SFSWAP: variants seen among roughly 807,000 people sequenced by gnomAD.
SFSWAP encodes splicing factor SWAP, also known as splicing factor, suppressor of white-apricot homolog.
In SFSWAP, 17 loss-of-function variants were observed where a neutral mutation model predicts 100.7. The observed-to-expected ratio is 0.17, with a 90% CI of 0.12 to 0.25. The LOEUF (loss-of-function observed/expected upper bound fraction) is 0.25, where lower values mean the gene tolerates loss of function less well. Ranked by LOEUF, SFSWAP falls within the 10% of genes least tolerant of loss-of-function variation. The pLI is 1.00. For synonymous variants in SFSWAP, 504 were observed against 510.1 expected (o/e 0.99, Z 0.16); for missense variants, 1,005 against 1,262.6 (o/e 0.80, Z 3.09).
At chr12:131,786,331 A>T in intron 14 of SFSWAP, 132 bp from the exon 15 acceptor site, 1 of 1,089,722 alleles carries the variant, frequency 9.2e-7, no homozygotes, top group Admixed American at 2.9e-5. Context: ...CTGAAGCCTC[A>T]GGGTCTACAC....
At position 131,714,307 on chromosome 12, in the gene SFSWAP, C is replaced by A; in HGVS notation, c.388+67C>A. ...AAATTTTTAAGTATTTAAAAATTTA[C>A]TCCCATTCATTTTTTTATACTCACT... On this transcript the variant is annotated intron_variant, in intron 2 of 17. Coordinates refer to ENST00000261674, the MANE Select transcript of SFSWAP (RefSeq NM_004592.4). This position sits in a 1 kb window ranked among gnomAD's most constrained non-coding sequence, Gnocchi z 6.0. 1.5e-6 allele frequency: 2 copies of A among 1,352,570 alleles called. No homozygotes were observed. Among genetic ancestry groups the A allele is most frequent in the South Asian group, 1.4e-5 (1 of 74,040 alleles). 83.8% of individuals were successfully genotyped at this position (1,352,570 alleles called of 1,614,324 possible).
chr12:131,735,018 C>G (rs1260947386), intron 7 of SFSWAP, among the ~76,000 whole-genome samples: 1 of 152,170 alleles, frequency 6.6e-6, no homozygotes, highest in African/African-American at 2.4e-5. Context: ...AGGCTGTTGC[C>G]ACACAGTCAC....
chr12:131,765,332 C>G (rs946179767), intron 12 of SFSWAP, among the ~76,000 whole-genome samples: 1 of 152,210 alleles, frequency 6.6e-6, no homozygotes, highest in African/African-American at 2.4e-5. Flanking sequence ...TACACACATT[C>G]AGATCAAGCA....
At chr12:131,713,650 A>C (rs1413850884) in intron 1 of SFSWAP, 1 of 152,500 alleles carries the variant, frequency 6.6e-6, no homozygotes, top group Non-Finnish European at 1.5e-5. Flanking sequence ...GTTCTTACGG[A>C]TAGGTATTTA....
At position 131,778,198 on chromosome 12, in the gene SFSWAP, A is replaced by AAAAGAG; in HGVS notation, c.2280_2281insAGAAAG (p.Lys760_His761insArgLys). On this transcript the variant is annotated inframe_insertion, in exon 14 of 18. Transcript: ENST00000261674. The surrounding 1 kb of genome is among the most constrained non-coding windows in gnomAD (Gnocchi z 4.2). ...GAAGAAGAGAAAGAAAAGAAAAAGA[A>AAAAGAG]AAAGCACAAAAAAAGATCTCGAACA... is the stretch of plus-strand genomic sequence containing the variant. 2 of 1,614,132 alleles carry AAAAGAG rather than the reference A, an allele frequency of 1.2e-6. No homozygotes were observed. Among genetic ancestry groups the AAAAGAG allele is most frequent in the Non-Finnish European group, 1.7e-6 (2 of 1,180,002 alleles).
chr12:131,790,991 G>A (rs757181772), intron 15 of SFSWAP, among the ~76,000 whole-genome samples: 3 of 151,962 alleles, frequency 2.0e-5, no homozygotes, highest in Middle Eastern at 3.2e-3. Flanking sequence ...AGAACAAATG[G>A]GACAAATAAA....
At chr12:131,712,309 A>G (rs1232968713) in intron 1 of SFSWAP, 17 of 152,228 alleles carry the variant, frequency 1.1e-4, no homozygotes, top group Admixed American at 1.0e-3. Flanking sequence ...TTTGAAAAGG[A>G]TAACATTACA....
intron 8 of SFSWAP, 45 bp downstream of exon 8, chr12:131,753,408 A>G: frequency 2.5e-6 from 4 of 1,571,442 alleles, no homozygotes; most frequent in Non-Finnish European, 2.6e-6. Flanking sequence ...GTCACTCAGC[A>G]CTGCAGTCAC....
At chr12:131,738,371 G>A (rs1323320884) in intron 7 of SFSWAP, among the ~76,000 whole-genome samples, 2 of 152,140 alleles carry the variant, frequency 1.3e-5, no homozygotes, top group East Asian at 3.8e-4. Context: ...AAAACACTGA[G>A]GTCATCGTGC....
intron 8 of SFSWAP, 95 bp from the exon 9 acceptor site, chr12:131,754,273 T>C: frequency 1.1e-6 from 1 of 931,322 alleles, no homozygotes; most frequent in Non-Finnish European, 1.5e-6. Flanking sequence ...CACATGTCTC[T>C]CCGGGCATCT....
chr12:131,756,546 C>T lies in SFSWAP; in HGVS notation c.1622C>T (p.Ala541Val), dbSNP rs759197830. 3.2e-5 allele frequency: 52 copies of T among 1,613,784 alleles called. No homozygotes were observed. Among genetic ancestry groups the T allele is most frequent in the East Asian group, 1.8e-4 (8 of 44,892 alleles). ...EKPSDAGEDG[A>V]PEDAAEVGAR... Reference sequence around the variant, plus strand: ...CCAAGTGATGCTGGGGAGGATGGCGCGCCTGAAGACGCAGCCGAGGTGGGA... The same window carrying T: ...CCAAGTGATGCTGGGGAGGATGGCGTGCCTGAAGACGCAGCCGAGGTGGGA... The change falls in exon 11 of 18, where the codon GCG becomes GTG. Residue 541 changes from alanine to valine, a missense_variant. Physicochemically the swap from Ala to Val is moderately conservative, Grantham distance 64. Transcript: ENST00000261674.
intron 8 of SFSWAP, 112 bp downstream of exon 8, chr12:131,753,475 C>G (rs1053622999): frequency 6.7e-6 from 9 of 1,347,288 alleles, no homozygotes; most frequent in Middle Eastern, 5.1e-4. Flanking sequence ...ACAGGGGTCC[C>G]CATTGTCTGA....
intron 11 of SFSWAP, among the ~76,000 whole-genome samples, chr12:131,763,054 CA>C (rs1272209223): frequency 6.6e-6 from 1 of 152,220 alleles, no homozygotes; most frequent in Non-Finnish European, 1.5e-5. Context: ...GTCCCGGTAT[CA>C]GTATCTTTGT....
intron 11 of SFSWAP, 147 bp from the exon 12 acceptor site, chr12:131,764,309 C>T (rs1274999906): frequency 1.5e-6 from 1 of 652,686 alleles, no homozygotes; most frequent in Non-Finnish European, 2.7e-6. Context: ...GCTCTGACGG[C>T]ACGGCGTCCC....
At position 131,714,416 on chromosome 12, in the gene SFSWAP, A is replaced by G; in HGVS notation, c.388+176A>G. On this transcript the variant is annotated intron_variant, in intron 2 of 17. Transcript: ENST00000261674. The surrounding 1 kb of genome is among the most constrained non-coding windows in gnomAD (Gnocchi z 6.0). The stretch of plus-strand genomic sequence containing the variant: ...CTGAGAGGACCTCAGGATAGTTTAT[A>G]TATAGAGCCACAAAGAATTTTCCCA... 1 of 572,258 alleles carries G rather than the reference A, an allele frequency of 1.7e-6. No homozygotes were observed. Among genetic ancestry groups the G allele is most frequent in the Non-Finnish European group, 3.0e-6 (1 of 335,512 alleles). 35.4% of individuals were successfully genotyped at this position (572,258 alleles called of 1,614,324 possible). A position where few individuals can be genotyped will look rare whatever the true frequency, so the allele number is the denominator to read the frequency against.
intron 15 of SFSWAP, among the ~76,000 whole-genome samples, chr12:131,793,903 C>T (rs1026895300): frequency 1.1e-4 from 16 of 151,900 alleles, no homozygotes; most frequent in African/African-American, 2.2e-4. Flanking sequence ...AAAACCAGGA[C>T]GGGCTCGGGG....
chr12:131,741,255 C>T (rs947436657), intron 7 of SFSWAP, among the ~76,000 whole-genome samples: 3 of 152,150 alleles, frequency 2.0e-5, no homozygotes, highest in South Asian at 2.1e-4. Flanking sequence ...CGCAAGCCAC[C>T]GTGCCCAGCC....
chr12:131,774,080 C>G (rs112224935), intron 13 of SFSWAP, among the ~76,000 whole-genome samples: 5 of 152,200 alleles, frequency 3.3e-5, no homozygotes, highest in African/African-American at 1.2e-4. Flanking sequence ...CACGAGAGAC[C>G]GACAGGATGA....
In SFSWAP at chr12:131,725,730, C is replaced by A. The variant is rs552946402; in HGVS notation, c.832+100C>A. 6.8e-4 allele frequency: 572 copies of A among 845,332 alleles called. 5 individuals are homozygous for A. The highest frequency in any genetic ancestry group is 6.7e-3 in the Middle Eastern group (27 of 4,032). The allele number at this position is 845,332 out of a possible 1,614,324, so 52.4% of individuals were successfully genotyped here. A position where few individuals can be genotyped will look rare whatever the true frequency, so the allele number is the denominator to read the frequency against. On this transcript the variant is annotated intron_variant, in intron 5 of 17. Coordinates refer to ENST00000261674, the MANE Select transcript of SFSWAP (RefSeq NM_004592.4). The surrounding 1 kb of genome is among the most constrained non-coding windows in gnomAD (Gnocchi z 4.3). ...AAAAGTGTGAAGATACACATTCTTA[C>A]AGATGCATGGTTGAAAGCCAGACTC...
Sources: gnomAD v4.1 joint callset for allele counts (sites outside exome capture counted in the v4.1 genomes callset) on GRCh38, gnomAD v4.1.1 for gene constraint, Gnocchi (gnomAD v3.1) non-coding constraint, MANE v1.5 for transcripts, NCBI Gene and HGNC (gene_info 2026-07-23, HGNC 2026-07-21) for gene names.